Variants in ASTN2 observed in about 807,000 individuals in gnomAD.
ASTN2 encodes astrotactin 2.
A neutral mutation model predicts 139.8 loss-of-function variants in ASTN2; 54 were observed. The observed-to-expected ratio is 0.39, with a 90% CI of 0.31 to 0.48. ASTN2 has a LOEUF of 0.48. ASTN2 is among the 20% of genes least tolerant of loss of function. The probability of loss-of-function intolerance (pLI) is 0.95; values close to 1 mark genes in which losing one functional copy is unlikely to be tolerated. For synonymous variants in ASTN2, 756 were observed against 719.5 expected (o/e 1.05, Z -0.81); for missense variants, 1,565 against 1,725.1 (o/e 0.91, Z 1.64).
chr9:116,466,590 A>C (rs1848653428), intron 20 of ASTN2, among the ~76,000 whole-genome samples: 1 of 152,138 alleles, frequency 6.6e-6, no homozygotes, highest in African/African-American at 2.4e-5. Flanking sequence ...CAGAACATCC[A>C]GTGTAAGATG....
chr9:116,474,841 G>C (rs766411168), intron 20 of ASTN2, among the ~76,000 whole-genome samples: 74 of 152,204 alleles, frequency 4.9e-4, no homozygotes, highest in Non-Finnish European at 8.8e-5. Flanking sequence ...ATGCAGCCTA[G>C]GTGGGGCTTG....
At position 117,320,108 on chromosome 9, in the gene ASTN2, G is replaced by A. The variant is rs1828281612; in HGVS notation, c.443-28595C>T. Among the ~76,000 whole-genome samples, 3 of 152,192 alleles carry A rather than the reference G, an allele frequency of 2.0e-5. No individual in the cohort carries two copies. The South Asian group carries it at 6.2e-4, about 32-fold the overall frequency. On this transcript the variant is annotated intron_variant, in intron 1 of 22. Transcript: ENST00000313400. ...GTGAACTAGTTTTGTCAGTAGTGAG[G>A]AGAGGCATTGATCTTAGAGATTATT...
intron 13 of ASTN2, among the ~76,000 whole-genome samples, chr9:116,770,932 T>C (rs914462934): frequency 6.6e-6 from 1 of 152,150 alleles, no homozygotes. Flanking sequence ...AACCTGCCAT[T>C]ATATGGAGCT....
chr9:117,205,353 T>A (rs1290016989), intron 3 of ASTN2, among the ~76,000 whole-genome samples: 1 of 152,160 alleles, frequency 6.6e-6, no homozygotes, highest in African/African-American at 2.4e-5. Context: ...ACGTGCCAAG[T>A]CATGGGGTAG....
intron 19 of ASTN2, among the ~76,000 whole-genome samples, chr9:116,511,176 G>A (rs906675518): frequency 9.2e-5 from 14 of 152,054 alleles, no homozygotes; most frequent in Non-Finnish European, 1.6e-4. Flanking sequence ...AGATACGTCC[G>A]ATCAATACCT....
At chr9:116,796,872 TG>T (rs780695924) in intron 13 of ASTN2, among the ~76,000 whole-genome samples, 22 of 152,162 alleles carry the variant, frequency 1.4e-4, no homozygotes, top group Non-Finnish European at 2.4e-4. Context: ...AATGCAGTGG[TG>T]CCATCATGGC....
chr9:117,090,684 G>C (rs920519984), intron 5 of ASTN2, among the ~76,000 whole-genome samples: 1 of 152,178 alleles, frequency 6.6e-6, no homozygotes, highest in Non-Finnish European at 1.5e-5. Flanking sequence ...CTGTGAGGCA[G>C]GTGTCAACAG....
chr9:117,408,741 G>C (rs947315739), intron 1 of ASTN2, among the ~76,000 whole-genome samples: 1 of 152,100 alleles, frequency 6.6e-6, no homozygotes, highest in East Asian at 1.9e-4. Flanking sequence ...CAGCAAATCT[G>C]GTCCACCTTG....
intron 20 of ASTN2, among the ~76,000 whole-genome samples, chr9:116,456,402 TA>T (rs574548713): frequency 4.0e-5 from 6 of 151,882 alleles, no homozygotes; most frequent in Non-Finnish European, 8.8e-5. Flanking sequence ...ATTGAAAGAA[TA>T]AAAAAAATCC....
intron 3 of ASTN2, among the ~76,000 whole-genome samples, chr9:117,202,591 C>T (rs149429485): frequency 7.9e-5 from 12 of 152,070 alleles, no homozygotes; most frequent in African/African-American, 2.9e-4. Flanking sequence ...TTGTCCTTTG[C>T]TTATGAAGCT....
At chr9:117,108,040 G>A (rs1472768912) in intron 4 of ASTN2, among the ~76,000 whole-genome samples, 1 of 152,114 alleles carries the variant, frequency 6.6e-6, no homozygotes, top group African/African-American at 2.4e-5. Flanking sequence ...TCAAGCAACA[G>A]GACTAAACAT....
At chr9:117,031,733 G>T (rs567961529) in intron 6 of ASTN2, among the ~76,000 whole-genome samples, 1 of 152,224 alleles carries the variant, frequency 6.6e-6, no homozygotes, top group African/African-American at 2.4e-5. Context: ...AAAACACCAT[G>T]TGCAAAGGGC....
chr9:117,227,472 A>C (rs368752634), intron 2 of ASTN2, among the ~76,000 whole-genome samples: 15 of 152,216 alleles, frequency 9.9e-5, no homozygotes, highest in African/African-American at 3.6e-4. Context: ...GGATGCAGGG[A>C]TGGGTGGATG....
chr9:116,842,741 G>C (rs937146803), intron 11 of ASTN2, among the ~76,000 whole-genome samples: 1 of 147,182 alleles, frequency 6.8e-6, no homozygotes, highest in African/African-American at 2.5e-5. Flanking sequence ...CGAGGGTGGG[G>C]TGGGGCGGGG....
intron 1 of ASTN2, among the ~76,000 whole-genome samples, chr9:117,347,625 TC>T (rs754399394): frequency 1.1e-4 from 17 of 152,186 alleles, no homozygotes; most frequent in South Asian, 4.1e-4. Flanking sequence ...AATTATCTGT[TC>T]TTTATGTAGA....
chr9:117,276,190 C>A (rs1340409446), intron 2 of ASTN2, among the ~76,000 whole-genome samples: 1 of 152,190 alleles, frequency 6.6e-6, no homozygotes, highest in East Asian at 1.9e-4. Context: ...TGCTTCCATG[C>A]CTCACAATGA....
chr9:116,865,364 G>A (rs1168029475), intron 10 of ASTN2, among the ~76,000 whole-genome samples: 3 of 133,864 alleles, frequency 2.2e-5, no homozygotes, highest in African/African-American at 8.4e-5. Context: ...CCAGCTACTC[G>A]GGAGGCTGAG....
chr9:117,142,050 A>T (rs1479070482), intron 3 of ASTN2, among the ~76,000 whole-genome samples: 1 of 152,190 alleles, frequency 6.6e-6, no homozygotes, highest in South Asian at 2.1e-4. Context: ...ATGTGTGATG[A>T]TCTGAAACGA....
chr9:116,452,992 G>A (rs554132492), intron 20 of ASTN2, among the ~76,000 whole-genome samples: 4 of 152,248 alleles, frequency 2.6e-5, no homozygotes, highest in South Asian at 2.1e-4. Flanking sequence ...AAGCTCAGAG[G>A]AGGAGAGGCC....
Sources: gnomAD v4.1 joint callset for allele counts (sites outside exome capture counted in the v4.1 genomes callset) on GRCh38, gnomAD v4.1.1 for gene constraint, MANE v1.5 for transcripts, NCBI Gene and HGNC (gene_info 2026-07-23, HGNC 2026-07-21) for gene names.